MARCHF1: variants seen among roughly 807,000 people sequenced by gnomAD.
The protein encoded by MARCHF1 is E3 ubiquitin-protein ligase MARCHF1.
MARCHF1 carries 40 observed loss-of-function variants against 54.2 expected under a neutral mutation model. That is an observed-to-expected ratio of 0.74 (90% confidence interval 0.57 to 0.96). MARCHF1 has a LOEUF of 0.96. MARCHF1 is among the 40% of genes least tolerant of loss of function. The pLI, the probability that MARCHF1 is intolerant of heterozygous loss-of-function variation, is 0.00. For synonymous variants in MARCHF1, 236 were observed against 236.3 expected, an observed-to-expected ratio of 1.00 and a Z score of 0.01; for missense variants, 586 against 656.5, an observed-to-expected ratio of 0.89 and a Z score of 1.17.
At chr4:164,142,596 C>A (rs1756577460) in intron 1 of MARCHF1, among the ~76,000 whole-genome samples, 4 of 152,162 alleles carry the variant, frequency 2.6e-5, no homozygotes, top group Non-Finnish European at 4.4e-5. Flanking sequence ...CTCCAACAGA[C>A]CTGCAGCTGA....
intron 3 of MARCHF1, among the ~76,000 whole-genome samples, chr4:163,955,593 T>G (rs2110795194): frequency 6.6e-6 from 1 of 152,238 alleles, no homozygotes; most frequent in East Asian, 1.9e-4. Flanking sequence ...AGCACTCTGA[T>G]TTGCCTGTCT....
chr4:163,840,378 T>G (rs535136690), intron 4 of MARCHF1, among the ~76,000 whole-genome samples: 2 of 152,274 alleles, frequency 1.3e-5, no homozygotes, highest in South Asian at 4.1e-4. Flanking sequence ...ACACTTTTAC[T>G]TATTTATTTT....
chr4:163,966,474 G>A (rs1183295580), intron 3 of MARCHF1, among the ~76,000 whole-genome samples: 1 of 151,900 alleles, frequency 6.6e-6, no homozygotes, highest in Non-Finnish European at 1.5e-5. Context: ...AACATTTATT[G>A]AACTAGATGC....
chr4:163,641,281 G>T lies in MARCHF1; in HGVS notation c.163-27888C>A, dbSNP rs530544516. Among the ~76,000 whole-genome samples, 37 of 152,056 alleles carry T rather than the reference G, an allele frequency of 2.4e-4. No individual in the cohort carries two copies. In the South Asian group the frequency reaches 4.6e-3, roughly 19 times the overall value. ...TGACAGTTTAATTTTGATTGACAAC[G>T]CATAGGGAAATCAAATAAGAATACT... On this transcript the variant is annotated intron_variant, in intron 5 of 9. Coordinates refer to ENST00000514618, the MANE Select transcript of MARCHF1 (RefSeq NM_001394959.1).
At chr4:164,203,987 A>G (rs1206972647) in intron 1 of MARCHF1, among the ~76,000 whole-genome samples, 2 of 152,236 alleles carry the variant, frequency 1.3e-5, no homozygotes, top group Non-Finnish European at 2.9e-5. Flanking sequence ...CATCTGATTT[A>G]CATTTGTAAT....
At chr4:163,791,744 T>C (rs1747779130) in intron 4 of MARCHF1, among the ~76,000 whole-genome samples, 1 of 152,152 alleles carries the variant, frequency 6.6e-6, no homozygotes, top group Admixed American at 6.6e-5. Context: ...TCTTTCTAAT[T>C]ACCTATGAAC....
At chr4:163,667,077 A>C (rs1182381938) in intron 5 of MARCHF1, among the ~76,000 whole-genome samples, 1 of 152,060 alleles carries the variant, frequency 6.6e-6, no homozygotes, top group East Asian at 1.9e-4. Context: ...GGTACAAAAT[A>C]TTTTCTAAAA....
At chr4:164,121,887 T>TA (rs60180403) in intron 1 of MARCHF1, among the ~76,000 whole-genome samples, 78,632 of 151,378 alleles carry the variant, frequency 0.52, 20,864 homozygotes, top group South Asian at 0.58. Context: ...AAAGACATAT[T>TA]AAAAAAAATG....
rs903738492 is a variant in MARCHF1 at position 163,539,801 on chromosome 4, A to G, written c.1339+5795T>C. ...TTAAATGCTTAAGTAGCAATTATGT[A>G]TATTGTATTTGTTAGGAAATATTTC... On this transcript the variant is annotated intron_variant, in intron 9 of 9. Transcript: ENST00000514618. Among the ~76,000 whole-genome samples, 3 of 152,372 alleles carry G rather than the reference A, an allele frequency of 2.0e-5. No individual in the cohort carries two copies. In the East Asian group the frequency reaches 5.8e-4, roughly 29 times the overall value.
intron 3 of MARCHF1, among the ~76,000 whole-genome samples, chr4:163,901,163 A>G (rs765075514): frequency 3.6e-4 from 55 of 152,208 alleles, no homozygotes; most frequent in Non-Finnish European, 6.2e-4. Flanking sequence ...TTTAAGGATA[A>G]ACTAGCTGAG....
At chr4:164,248,448 AG>A in intron 1 of MARCHF1, among the ~76,000 whole-genome samples, 1 of 152,156 alleles carries the variant, frequency 6.6e-6, no homozygotes, top group African/African-American at 2.4e-5. Context: ...TGGAGAAAAA[AG>A]GATTATTAGT....
chr4:163,737,047 T>C (rs1037887233), intron 4 of MARCHF1, among the ~76,000 whole-genome samples: 1 of 151,992 alleles, frequency 6.6e-6, no homozygotes, highest in Non-Finnish European at 1.5e-5. Flanking sequence ...GGAAAGCTCA[T>C]TTGTTTGCCA....
At chr4:163,555,090 G>A (rs1332113527) in intron 8 of MARCHF1, among the ~76,000 whole-genome samples, 2 of 152,164 alleles carry the variant, frequency 1.3e-5, no homozygotes, top group South Asian at 2.1e-4. Flanking sequence ...ATGATGATAT[G>A]AATGGAAAAA....
chr4:164,226,337 G>A (rs1732252470), intron 1 of MARCHF1, among the ~76,000 whole-genome samples: 2 of 152,100 alleles, frequency 1.3e-5, no homozygotes, highest in South Asian at 2.1e-4. Context: ...ATTATGGGGG[G>A]AAAATAAGCT....
At chr4:164,044,614 G>C (rs1030592552) in intron 2 of MARCHF1, among the ~76,000 whole-genome samples, 1 of 152,122 alleles carries the variant, frequency 6.6e-6, no homozygotes, top group Non-Finnish European at 1.5e-5. Flanking sequence ...GTTTGACTTT[G>C]AGGGAGCAGG....
rs73872020 is a variant in MARCHF1, at chr4:163,978,432, T to C, written c.-39+10069A>G. The stretch of plus-strand genomic sequence containing the variant: ...ATCAAGCACTTAATGGTGTTTATTT[T>C]ATCCGAGTAAATCTTAGAACCTTGG... On this transcript the variant is annotated intron_variant, in intron 3 of 9. Transcript: ENST00000514618. 4.6e-3 allele frequency among the ~76,000 whole-genome samples: 699 copies of C among 152,332 alleles called. 8 individuals carry two copies. The highest frequency in any genetic ancestry group is 0.016 in the African/African-American group (678 of 41,590).
chr4:164,155,872 A>G (rs916914744), intron 1 of MARCHF1, among the ~76,000 whole-genome samples: 1 of 152,086 alleles, frequency 6.6e-6, no homozygotes, highest in African/African-American at 2.4e-5. Flanking sequence ...AGATACTAAG[A>G]GCTCCCCTCT....
intron 7 of MARCHF1, among the ~76,000 whole-genome samples, chr4:163,610,253 A>C (rs1306591360): frequency 1.3e-5 from 2 of 152,016 alleles, no homozygotes; most frequent in Non-Finnish European, 2.9e-5. Context: ...TAAGCCACTT[A>C]AGGGAAGAAT....
chr4:164,309,026 G>A (rs1003693205), intron 1 of MARCHF1, among the ~76,000 whole-genome samples: 19 of 151,644 alleles, frequency 1.3e-4, no homozygotes, highest in Admixed American at 7.9e-4. Flanking sequence ...ATTTTGCATC[G>A]GTAAAAATAG....
Sources: gnomAD v4.1 joint callset for allele counts (sites outside exome capture counted in the v4.1 genomes callset) on GRCh38, gnomAD v4.1.1 for gene constraint, MANE v1.5 for transcripts, NCBI Gene and HGNC (gene_info 2026-07-23, HGNC 2026-07-21) for gene names.